Variants in EHD4 observed in about 807,000 individuals in gnomAD.
EHD4 encodes EH domain-containing protein 4.
A neutral mutation model predicts 51.0 loss-of-function variants in EHD4; 37 were observed. That is an observed-to-expected ratio of 0.73 (90% CI 0.56 to 0.95). The LOEUF is 0.95. EHD4 is among the 40% of genes least tolerant of loss of function. The probability of loss-of-function intolerance (pLI) is 0.00; values close to 1 mark genes in which losing one functional copy is unlikely to be tolerated. For synonymous variants in EHD4, 297 were observed against 317.3 expected, an observed-to-expected ratio of 0.94 and a Z score of 0.68; for missense variants, 632 against 733.1, an observed-to-expected ratio of 0.86 and a Z score of 1.59.
At chr15:41,941,714 C>T (rs1648856) in intron 3 of EHD4, 76,607 of 151,650 alleles carry the variant, frequency 0.51, 20,185 homozygotes, top group South Asian at 0.67. Context: ...TGGGAGGCCT[C>T]GGCTCAGCAT....
intron 3 of EHD4, among the ~76,000 whole-genome samples, chr15:41,927,113 T>C (rs1169652803): frequency 6.6e-6 from 1 of 152,238 alleles, no homozygotes; most frequent in Non-Finnish European, 1.5e-5. Context: ...ACTTATACTC[T>C]GAAATGGTAT....
intron 5 of EHD4, among the ~76,000 whole-genome samples, chr15:41,902,232 C>A (rs931190309): frequency 7.4e-5 from 11 of 149,286 alleles, no homozygotes; most frequent in African/African-American, 2.7e-4. Context: ...CCTTGGTTCT[C>A]CTTGGTTACT....
At chr15:41,910,494 C>T (rs1018605129) in intron 4 of EHD4, among the ~76,000 whole-genome samples, 1 of 152,194 alleles carries the variant, frequency 6.6e-6, no homozygotes. Context: ...GGGCGAGAAT[C>T]TGGCCTCAAC....
At chr15:41,939,822 G>A (rs2067755697) in intron 3 of EHD4, among the ~76,000 whole-genome samples, 1 of 149,286 alleles carries the variant, frequency 6.7e-6, no homozygotes, top group Non-Finnish European at 1.5e-5. Context: ...AAGATTTTCT[G>A]CTAACCATAA....
intron 2 of EHD4, among the ~76,000 whole-genome samples, chr15:41,946,288 G>A (rs1015478375): frequency 1.3e-5 from 2 of 152,148 alleles, no homozygotes; most frequent in Admixed American, 6.5e-5. Context: ...AGAAGAAGAC[G>A]GAGCAACTGA....
At chr15:41,962,112 C>T (rs2067927911) in intron 1 of EHD4, among the ~76,000 whole-genome samples, 1 of 152,192 alleles carries the variant, frequency 6.6e-6, no homozygotes. Flanking sequence ...AAATCAATCA[C>T]TTTTCCAAGA....
At chr15:41,949,153 T>C (rs2067836932) in intron 2 of EHD4, among the ~76,000 whole-genome samples, 1 of 150,638 alleles carries the variant, frequency 6.6e-6, no homozygotes, top group Admixed American at 6.6e-5. Flanking sequence ...GTGGATCACC[T>C]GAGGTCAGGA....
chr15:41,943,994 T>C (rs1159144442), intron 2 of EHD4, among the ~76,000 whole-genome samples: 5 of 152,202 alleles, frequency 3.3e-5, no homozygotes, highest in African/African-American at 1.2e-4. Context: ...ATTTGCCTGA[T>C]ACCATCTCCT....
chr15:41,937,100 T>TG (rs2067736541), intron 3 of EHD4, among the ~76,000 whole-genome samples: 1 of 152,200 alleles, frequency 6.6e-6, no homozygotes, highest in African/African-American at 2.4e-5. Context: ...GGCTTCATGA[T>TG]CCACGCCTGT....
At chr15:41,936,844 G>A (rs192322055) in intron 3 of EHD4, among the ~76,000 whole-genome samples, 47 of 152,300 alleles carry the variant, frequency 3.1e-4, no homozygotes, top group African/African-American at 9.9e-4. Flanking sequence ...GTCTGGATGC[G>A]TTTGTCAAAA....
chr15:41,929,831 A>G (rs1042863449), intron 3 of EHD4, among the ~76,000 whole-genome samples: 1 of 152,206 alleles, frequency 6.6e-6, no homozygotes, highest in African/African-American at 2.4e-5. Flanking sequence ...TCCCAGGAAA[A>G]TCGATTTAGC....
chr15:41,923,315 C>T (rs546642703), intron 3 of EHD4, among the ~76,000 whole-genome samples: 117 of 152,320 alleles, frequency 7.7e-4, no homozygotes, highest in African/African-American at 2.7e-3. Context: ...GTCAGAGTCT[C>T]TCCCTCCTCC....
chr15:41,912,353 T>C (rs538679930), intron 4 of EHD4, among the ~76,000 whole-genome samples: 2 of 152,262 alleles, frequency 1.3e-5, no homozygotes, highest in South Asian at 4.1e-4. Context: ...TGGTGCGCCC[T>C]AAACAATAAC....
At chr15:41,941,441 T>C (rs2067769014) in intron 3 of EHD4, among the ~76,000 whole-genome samples, 1 of 152,222 alleles carries the variant, frequency 6.6e-6, no homozygotes, top group African/African-American at 2.4e-5. Context: ...GAGAAAACCA[T>C]TAATAATTGT....
intron 3 of EHD4, among the ~76,000 whole-genome samples, chr15:41,936,633 T>G (rs966114447): frequency 3.9e-5 from 6 of 152,338 alleles, no homozygotes; most frequent in Non-Finnish European, 8.8e-5. Context: ...TTGTTTTTCA[T>G]CTAAAAGTCA....
At chr15:41,933,304 T>C (rs1235699111) in intron 3 of EHD4, among the ~76,000 whole-genome samples, 1 of 152,228 alleles carries the variant, frequency 6.6e-6, no homozygotes, top group Non-Finnish European at 1.5e-5. Flanking sequence ...ACGTGTATCC[T>C]GGGGAGGACC....
At chr15:41,908,260 G>A (rs2067525479) in intron 5 of EHD4, 1 of 152,182 alleles carries the variant, frequency 6.6e-6, no homozygotes, top group East Asian at 1.9e-4. Context: ...GTAAAGAGCT[G>A]TCATCAAAAC....
intron 1 of EHD4, 103 bp from the exon 2 acceptor site, chr15:41,954,043 C>T (rs933953535): frequency 2.6e-5 from 33 of 1,272,904 alleles, no homozygotes; most frequent in African/African-American, 6.1e-5. Flanking sequence ...CATTTAAAAA[C>T]GTAGAAACAT....
intron 2 of EHD4, among the ~76,000 whole-genome samples, chr15:41,947,415 G>A (rs967206655): frequency 1.3e-5 from 2 of 152,148 alleles, no homozygotes; most frequent in African/African-American, 4.8e-5. Context: ...ACCTCTCTGA[G>A]CAATTCTACC....
Sources: gnomAD v4.1 joint callset for allele counts (sites outside exome capture counted in the v4.1 genomes callset) on GRCh38, gnomAD v4.1.1 for gene constraint, MANE v1.5 for transcripts, NCBI Gene and HGNC (gene_info 2026-07-23, HGNC 2026-07-21) for gene names.